BMAL1: variants seen among roughly 807,000 people sequenced by gnomAD.
BMAL1 encodes basic helix-loop-helix ARNT like 1, also known as basic helix-loop-helix ARNT-like protein 1.
At chr11:13,377,000 G>C in the BMAL1 span, among the ~76,000 whole-genome samples, 6 of 152,278 alleles carry the variant, frequency 3.9e-5, no homozygotes, top group East Asian at 1.2e-3. Context: ...TACTCCCCTT[G>C]TGCTTTCCTC....
At chr11:13,335,493 G>A in the BMAL1 span, among the ~76,000 whole-genome samples, 2 of 152,134 alleles carry the variant, frequency 1.3e-5, no homozygotes, top group East Asian at 3.9e-4. Flanking sequence ...ACCCAGACGA[G>A]GCTTTTACTG....
chr11:13,372,671 A>G, the BMAL1 span, among the ~76,000 whole-genome samples: 1 of 152,126 alleles, frequency 6.6e-6, no homozygotes, highest in Admixed American at 6.5e-5. Context: ...TTAGCCAGGC[A>G]TGGTGACACA....
the BMAL1 span, among the ~76,000 whole-genome samples, chr11:13,341,422 CAAAG>C: frequency 6.6e-6 from 1 of 152,204 alleles, no homozygotes; most frequent in African/African-American, 2.4e-5. Flanking sequence ...CCCACATTCT[CAAAG>C]AAGGCATGTG....
the BMAL1 span, chr11:13,385,587 G>C: frequency 1.3e-6 from 1 of 748,642 alleles, no homozygotes; most frequent in Non-Finnish European, 2.3e-6. Flanking sequence ...GAAAACTGAA[G>C]CCATTTGAAG....
At chr11:13,288,033 AAGGATG>A in the BMAL1 span, among the ~76,000 whole-genome samples, 1 of 152,178 alleles carries the variant, frequency 6.6e-6, no homozygotes. Flanking sequence ...TTTCACCTTT[AAGGATG>A]GTAGGATTTC....
At chr11:13,336,347 A>T in the BMAL1 span, among the ~76,000 whole-genome samples, 1 of 152,290 alleles carries the variant, frequency 6.6e-6, no homozygotes. Flanking sequence ...AAGAAAGAAA[A>T]GCCAGCCAGG....
At chr11:13,372,966 T>C in the BMAL1 span, among the ~76,000 whole-genome samples, 10 of 152,196 alleles carry the variant, frequency 6.6e-5, no homozygotes, top group African/African-American at 2.4e-4. Context: ...ACAGTAGGGA[T>C]AGCATGCTGT....
chr11:13,360,518 CT>C, the BMAL1 span: 11,073 of 978,802 alleles, frequency 0.011, no homozygotes, highest in South Asian at 0.017. Flanking sequence ...CAACACTGAG[CT>C]TTTTTTTTTA....
At chr11:13,386,743 C>T in the BMAL1 span, 1 of 1,614,078 alleles carries the variant, frequency 6.2e-7, no homozygotes. Flanking sequence ...AGTGACTTGC[C>T]ATGGCCGCTG....
At chr11:13,377,750 TATG>T in the BMAL1 span, among the ~76,000 whole-genome samples, 34 of 152,362 alleles carry the variant, frequency 2.2e-4, no homozygotes, top group African/African-American at 7.9e-4. Context: ...CATCATCATT[TATG>T]ATGAATTCCT....
At chr11:13,297,195 G>T in the BMAL1 span, among the ~76,000 whole-genome samples, 1 of 152,176 alleles carries the variant, frequency 6.6e-6, no homozygotes, top group Non-Finnish European at 1.5e-5. Context: ...AGCTACACCT[G>T]GCTGGAGCCC....
the BMAL1 span, among the ~76,000 whole-genome samples, chr11:13,296,926 G>C: frequency 1.3e-5 from 2 of 152,134 alleles, no homozygotes; most frequent in African/African-American, 4.8e-5. Context: ...CCGTCCTCCT[G>C]CCTGTGACAG....
the BMAL1 span, among the ~76,000 whole-genome samples, chr11:13,282,811 A>C: frequency 6.6e-6 from 1 of 152,218 alleles, no homozygotes; most frequent in South Asian, 2.1e-4. Context: ...CTTTTTCCAA[A>C]ATGACAGGCA....
chr11:13,378,079 G>T, the BMAL1 span, among the ~76,000 whole-genome samples: 6 of 151,814 alleles, frequency 4.0e-5, no homozygotes, highest in African/African-American at 1.5e-4. Context: ...TTCAATAAAC[G>T]TTTTTTTTCA....
At chr11:13,355,149 A>C in the BMAL1 span, 16 of 1,324,072 alleles carry the variant, frequency 1.2e-5, no homozygotes, top group Non-Finnish European at 1.7e-5. Flanking sequence ...TGTCCATTTA[A>C]GAGGTTTTCT....
chr11:13,377,338 T>C, the BMAL1 span, among the ~76,000 whole-genome samples: 1 of 152,120 alleles, frequency 6.6e-6, no homozygotes, highest in Non-Finnish European at 1.5e-5. Flanking sequence ...ATTCAGAATA[T>C]CCCAAGCTGA....
chr11:13,357,411 G>A, the BMAL1 span, among the ~76,000 whole-genome samples: 11 of 152,194 alleles, frequency 7.2e-5, no homozygotes, highest in Admixed American at 1.3e-4. This position sits in a 1 kb window ranked among gnomAD's most constrained non-coding sequence, Gnocchi z 4.8. Flanking sequence ...AGCGCCCTCC[G>A]CAGGAGACAT....
chr11:13,366,287 C>G, the BMAL1 span, among the ~76,000 whole-genome samples: 5 of 152,164 alleles, frequency 3.3e-5, no homozygotes, highest in Non-Finnish European at 7.3e-5. Context: ...TGTTAATAGA[C>G]AAGGTGACTG....
chr11:13,277,851 C>T, the BMAL1 span: 1 of 152,140 alleles, frequency 6.6e-6, no homozygotes, highest in Non-Finnish European at 1.5e-5. Context: ...TGTTTACCCG[C>T]GCCGGACTCA....
Sources: allele counts gnomAD v4.1 joint callset (sites outside exome capture counted in the v4.1 genomes callset), GRCh38; gene constraint gnomAD v4.1.1; non-coding constraint Gnocchi (gnomAD v3.1); transcripts MANE v1.5; gene names NCBI Gene and HGNC (gene_info 2026-07-23, HGNC 2026-07-21).